KDM5C: variants seen among roughly 807,000 people sequenced by gnomAD.
KDM5C encodes lysine demethylase 5C.
KDM5C carries 16 observed loss-of-function variants against 110.6 expected under a neutral mutation model. That is an observed-to-expected ratio of 0.14 (90% CI 0.10 to 0.22). The LOEUF (loss-of-function observed/expected upper bound fraction) is 0.22, where lower values mean the gene tolerates loss of function less well. Among genes scored for constraint, KDM5C ranks in the 10% least tolerant of loss-of-function variants. The pLI, the probability that KDM5C is intolerant of heterozygous loss-of-function variation, is 1.00. For missense variants in KDM5C, 681 were observed against 1,300.9 expected (o/e 0.52, Z 7.33); for synonymous variants, 511 against 520.4 (o/e 0.98, Z 0.24).
rs1556850801 is a variant in KDM5C, at chrX:53,214,745, G to A, written c.1066C>T (p.Pro356Ser). 2.5e-6 allele frequency: 3 copies of A among 1,211,568 alleles called. No individual in the cohort carries two copies. The highest frequency in any genetic ancestry group is 2.2e-6 in the Non-Finnish European group (2 of 895,378). The change falls in exon 8 of 26, where the codon CCT becomes TCT. Residue 356 changes from proline to serine, a missense_variant. Coordinates refer to ENST00000375401, the MANE Select transcript of KDM5C (RefSeq NM_004187.5). The part of the protein sequence containing the change: ...DDNYHIFCLL[P>S]PLPEIPKGVW... ...CCCTTGGGGATCTCAGGCAGAGGAGGCAGCAGGCAGAAGATGTGGTAGTTG... is the reference window on the plus strand; with the variant it reads ...CCCTTGGGGATCTCAGGCAGAGGAGACAGCAGGCAGAAGATGTGGTAGTTG...
In KDM5C at chrX:53,196,723, G is replaced by A. The variant is rs369353279; in HGVS notation, c.2944C>T (p.Arg982Cys). The A allele has an allele frequency of 5.0e-6, 6 of 1,210,765 alleles. No individual in the cohort carries two copies. The highest frequency in any genetic ancestry group is 1.8e-5 in the South Asian group (1 of 56,910). Residue 982 changes from arginine to cysteine, a missense_variant, in exon 19 of 26, where the codon CGC becomes TGC. Arg to Cys is a radical substitution (Grantham distance 180, BLOSUM62 -3). Transcript: ENST00000375401. Reference sequence around the variant, plus strand: ...CAGAGGTGGGCTTTCTCCTCCCAGCGTTCAGCAATGGTCAGCAGTTCCTGC... The same window carrying A: ...CAGAGGTGGGCTTTCTCCTCCCAGCATTCAGCAATGGTCAGCAGTTCCTGC... ...ELQELLTIAE[R>C]WEEKAHLCLE... is the part of the protein sequence containing the mutation.
At chrX:53,197,714 T>C (rs782036367) in intron 18 of KDM5C, 57 bp downstream of exon 18, 106 of 965,904 alleles carry the variant, frequency 1.1e-4, no homozygotes, top group Non-Finnish European at 1.5e-4. Context: ...AAGCATGGCC[T>C]GCTGCTCAGG....
intron 12 of KDM5C, among the ~76,000 whole-genome samples, chrX:53,207,968 CAAAA>C (rs781945536): frequency 3.3e-5 from 1 of 30,597 alleles, no homozygotes; most frequent in African/African-American, 1.3e-4. Flanking sequence ...GACTCTGTCT[CAAAA>C]AAAAAAAAAA....
At chrX:53,193,912 C>T in intron 23 of KDM5C, 61 bp from the exon 24 acceptor site, 4 of 1,072,526 alleles carry the variant, frequency 3.7e-6, no homozygotes, top group Non-Finnish European at 5.2e-6. Flanking sequence ...CCCTATTCCT[C>T]CTCCGCCAAC....
In KDM5C at chrX:53,192,880, C is replaced by CCCCCCCCCCCCCCCAA; in HGVS notation, c.*86_*87insTTGGGGGGGGGGGGGG. ...ATGGCCACCCCCCTACCCGCCCACCCCCCAAGAAGCAGGCTTGATGGTCAG... is the reference window on the plus strand; with the variant it reads ...ATGGCCACCCCCCTACCCGCCCACCCCCCCCCCCCCCCCCAACCCAAGAAGCAGGCTTGATGGTCAG... On this transcript the variant is annotated 3_prime_UTR_variant, in exon 26 of 26. Coordinates refer to ENST00000375401, the MANE Select transcript of KDM5C (RefSeq NM_004187.5). 9.6e-7 allele frequency: 1 copy of CCCCCCCCCCCCCCCAA among 1,041,147 alleles called. No individual in the cohort carries two copies. Among genetic ancestry groups the CCCCCCCCCCCCCCCAA allele is most frequent in the Non-Finnish European group, 1.3e-6 (1 of 792,330 alleles). The allele number at this position is 1,041,147 out of a possible 1,213,427, so 85.8% of individuals were successfully genotyped here.
At chrX:53,206,779 G>A (rs1209842049) in intron 12 of KDM5C, among the ~76,000 whole-genome samples, 3 of 94,781 alleles carry the variant, frequency 3.2e-5, no homozygotes, top group African/African-American at 1.2e-4. Context: ...CGGAAGAATC[G>A]CTTGAACCCA....
chrX:53,208,488 T>A (rs1556847037), intron 12 of KDM5C, among the ~76,000 whole-genome samples: 1 of 92,809 alleles, frequency 1.1e-5, no homozygotes, highest in African/African-American at 3.8e-5. Flanking sequence ...ACCCAAATCC[T>A]TCAGAGAATC....
Position 53,218,093 on chromosome X carries a change from C to T in KDM5C, c.352-127G>A, listed in dbSNP as rs914739331. ...TCCCTCACTTCACTGGGGGCTATCC[C>T]CTTATCCCAACCTCAAATTGCAGCA... On this transcript the variant is annotated intron_variant, in intron 3 of 25. Transcript: ENST00000375401. The T allele has an allele frequency of 2.0e-5, 18 of 898,624 alleles. No homozygotes were observed. In the African/African-American group the frequency reaches 3.0e-4, roughly 15 times the overall value. 74.1% of individuals were successfully genotyped at this position (898,624 alleles called of 1,213,427 possible). A position where few individuals can be genotyped will look rare whatever the true frequency, so the allele number is the denominator to read the frequency against.
rs782523306 is a variant in KDM5C, at chrX:53,194,626, G to A, written c.3551C>T (p.Thr1184Ile). 3.3e-6 allele frequency: 4 copies of A among 1,212,219 alleles called. No individual in the cohort carries two copies. Among genetic ancestry groups the A allele is most frequent in the Non-Finnish European group, 4.5e-6 (4 of 895,575 alleles). ...PLASSSTASS[T>I]TSICVCGQVL... ...CTGCCCACACACACAGATAGAGGTT[G>A]TAGAGGAGGCCGTGCTCGATGATGC... is the stretch of plus-strand genomic sequence containing the variant. Residue 1184 changes from threonine (T) to isoleucine (I), a missense_variant, in exon 23 of 26, where the codon ACA (threonine) becomes ATA (isoleucine). Thr to Ile is a moderately conservative substitution (Grantham distance 89). Around this residue, in one of 14 missense-constraint regions of KDM5C, gnomAD observed 48 missense variants for 59.7 expected, o/e 0.80. Coordinates refer to ENST00000375401, the MANE Select transcript of KDM5C (RefSeq NM_004187.5).
Position 53,192,868 on chromosome X carries a change from T to TTCCCCCCC in KDM5C, c.*98_*99insGGGGGGGA. 6.1e-6 allele frequency: 1 copy of TTCCCCCCC among 163,418 alleles called. No individual in the cohort carries two copies. The highest frequency in any genetic ancestry group is 9.3e-6 in the Non-Finnish European group (1 of 107,434). 13.5% of individuals were successfully genotyped at this position (163,418 alleles called of 1,213,427 possible). A position where few individuals can be genotyped will look rare whatever the true frequency, so the allele number is the denominator to read the frequency against. On this transcript the variant is annotated 3_prime_UTR_variant, in exon 26 of 26. Coordinates refer to ENST00000375401, the MANE Select transcript of KDM5C (RefSeq NM_004187.5). ...CGGGTAGCAGGGATGGCCACCCCCC[T>TTCCCCCCC]ACCCGCCCACCCCCCAAGAAGCAGG...
At chrX:53,182,565 C>A (rs1569250043) in intron 25 of KDM5C, among the ~76,000 whole-genome samples, 1 of 111,909 alleles carries the variant, frequency 8.9e-6, no homozygotes, top group Non-Finnish European at 1.9e-5. Context: ...ATGGGTTTCA[C>A]CATGTTGGCC....
chrX:53,178,636 C>T (rs1476190466), intron 25 of KDM5C, among the ~76,000 whole-genome samples: 1 of 112,179 alleles, frequency 8.9e-6, no homozygotes, highest in Non-Finnish European at 1.9e-5. Context: ...GGATCATACA[C>T]CTAAATGTAA....
chrX:53,180,719 C>CTTTTTTTTT (rs1173641591), intron 25 of KDM5C, among the ~76,000 whole-genome samples: 2 of 30,277 alleles, frequency 6.6e-5, no homozygotes, highest in Non-Finnish European at 1.1e-4. Flanking sequence ...CCACACCCGG[C>CTTTTTTTTT]TTTTTTTTTT....
At chrX:53,210,315 CA>C (rs782023580) in intron 12 of KDM5C, 98 bp downstream of exon 12, 1 of 1,068,549 alleles carries the variant, frequency 9.4e-7, no homozygotes, top group Admixed American at 2.3e-5. Context: ...GAAGAAAGGC[CA>C]GGGGCAGAAT....
At chrX:53,201,494 C>T in intron 14 of KDM5C, 56 bp downstream of exon 14, 1 of 1,127,081 alleles carries the variant, frequency 8.9e-7, no homozygotes, top group Non-Finnish European at 1.2e-6. Flanking sequence ...GGTGCTGCCT[C>T]TGCCTCCCCG....
rs782010502 is a variant in KDM5C at position 53,217,209 on chromosome X, T to C, written c.591A>G (p.Leu197=). The change falls in exon 5 of 26, where the codon CTA becomes CTG. Residue 197 remains leucine (L), a synonymous_variant. Coordinates refer to ENST00000375401, the MANE Select transcript of KDM5C (RefSeq NM_004187.5). ...ACTTGGAAGGCTGCACAGACTGTCG[T>C]AGGGGGATGCTGTGGGGTTTGTATT... The part of the protein sequence containing the change: ...DKEYKPHSIP[L]RQSVQPSKFN... The C allele has an allele frequency of 5.0e-6, 6 of 1,209,312 alleles. No individual in the cohort carries two copies. The highest frequency in any genetic ancestry group is 6.7e-6 in the Non-Finnish European group (6 of 894,742).
At chrX:53,216,377 C>T (rs1178458516) in intron 5 of KDM5C, among the ~76,000 whole-genome samples, 180 bp from the exon 6 acceptor site, 4 of 112,018 alleles carry the variant, frequency 3.6e-5, no homozygotes, top group Non-Finnish European at 7.5e-5. Flanking sequence ...GCTGCCCCCT[C>T]GGCCCTCTCT....
chrX:53,221,711 A>T, intron 1 of KDM5C: 1 of 977,978 alleles, frequency 1.0e-6, no homozygotes, highest in South Asian at 2.0e-5. Flanking sequence ...CTTCCTGTAG[A>T]TCCTCTCTCA....
chrX:53,185,407 G>T (rs1426099610), intron 25 of KDM5C, among the ~76,000 whole-genome samples: 1 of 112,380 alleles, frequency 8.9e-6, no homozygotes, highest in African/African-American at 3.2e-5. Flanking sequence ...ACTTAGAAGA[G>T]GGAAACTCAA....
Sources: gnomAD v4.1 joint callset for allele counts (sites outside exome capture counted in the v4.1 genomes callset) on GRCh38, gnomAD v4.1.1 for gene constraint, gnomAD v4.1.1 regional missense constraint, MANE v1.5 for transcripts, NCBI Gene and HGNC (gene_info 2026-07-23, HGNC 2026-07-21) for gene names.